The following PDE1C variants were observed in gnomAD, a reference collection of about 807,000 sequenced individuals.
The protein encoded by PDE1C is phosphodiesterase 1C.
In PDE1C, 62 loss-of-function variants were observed where a neutral mutation model predicts 93.1. That is an observed-to-expected ratio of 0.67 (90% CI 0.54 to 0.82). The LOEUF (loss-of-function observed/expected upper bound fraction) is 0.82. PDE1C is among the 40% of genes least tolerant of loss of function. The probability of loss-of-function intolerance (pLI) is 0.00; values close to 1 mark genes in which losing one functional copy is unlikely to be tolerated. For synonymous variants in PDE1C, 325 were observed against 310.1 expected, an observed-to-expected ratio of 1.05 and a Z score of -0.50; for missense variants, 742 against 884.6, an observed-to-expected ratio of 0.84 and a Z score of 2.04.
chr7:32,130,631 T>C (rs900275426), intron 3 of PDE1C, among the ~76,000 whole-genome samples: 2 of 152,054 alleles, frequency 1.3e-5, no homozygotes. Flanking sequence ...CTATGGTCCA[T>C]CTTACAAACT....
At position 31,865,773 on chromosome 7, in the gene PDE1C, T is replaced by C. The variant is rs528499707; in HGVS notation, c.610-691A>G. ...TTTTGATTTTGTTTTGTTTTTCTTA[T>C]GTGTCCAATGTATATAACCACTCCT... On this transcript the variant is annotated intron_variant, in intron 6 of 17. Transcript: ENST00000396191. 6.6e-5 allele frequency among the ~76,000 whole-genome samples: 10 copies of C among 152,362 alleles called. No individual in the cohort carries two copies. In the East Asian group the frequency reaches 1.5e-3, roughly 24 times the overall value.
At chr7:31,898,062 T>TGTG in intron 2 of PDE1C, among the ~76,000 whole-genome samples, 1 of 142,534 alleles carries the variant, frequency 7.0e-6, no homozygotes, top group Non-Finnish European at 1.5e-5. Flanking sequence ...GTGTGTGTGT[T>TGTG]TACTATACTG....
At chr7:32,078,093 A>G in intron 3 of PDE1C, 1 of 902,284 alleles carries the variant, frequency 1.1e-6, no homozygotes, top group South Asian at 5.1e-5. Context: ...TGCTGATGCT[A>G]CAAGTCAGCC....
At chr7:31,993,319 T>C (rs897622751) in intron 2 of PDE1C, among the ~76,000 whole-genome samples, 6 of 152,176 alleles carry the variant, frequency 3.9e-5, no homozygotes, top group Admixed American at 6.5e-5. Context: ...GGCTTAAAGA[T>C]GTTTGGAACA....
intron 2 of PDE1C, among the ~76,000 whole-genome samples, chr7:32,206,197 T>C (rs73106524): frequency 1.3e-5 from 2 of 151,686 alleles, no homozygotes; most frequent in Admixed American, 6.6e-5. Context: ...GTAGGAGACC[T>C]TTGAGGATAT....
intron 17 of PDE1C, among the ~76,000 whole-genome samples, chr7:31,766,568 G>T (rs966666192): frequency 4.0e-4 from 61 of 152,232 alleles, no homozygotes; most frequent in African/African-American, 1.4e-3. Flanking sequence ...TCCTCTCTAT[G>T]ATACTTCACT....
intron 3 of PDE1C, among the ~76,000 whole-genome samples, chr7:32,148,270 AAAAT>A (rs1801029932): frequency 2.0e-5 from 3 of 152,160 alleles, no homozygotes; most frequent in Admixed American, 2.0e-4. Context: ...TTAAAAAGCA[AAAAT>A]AAATCAGTGA....
At chr7:31,625,426 G>A in the PDE1C span, among the ~76,000 whole-genome samples, 1 of 151,986 alleles carries the variant, frequency 6.6e-6, no homozygotes, top group Non-Finnish European at 1.5e-5. Flanking sequence ...TATACACCAT[G>A]GAATACTATG....
chr7:32,082,009 T>C (rs1172006828), intron 3 of PDE1C, among the ~76,000 whole-genome samples: 1 of 152,128 alleles, frequency 6.6e-6, no homozygotes, highest in Non-Finnish European at 1.5e-5. Context: ...AGATAGTGGG[T>C]GCAGGACAGT....
intron 1 of PDE1C, among the ~76,000 whole-genome samples, chr7:32,354,953 G>A (rs1784003976): frequency 6.6e-6 from 1 of 152,198 alleles, no homozygotes; most frequent in Admixed American, 6.5e-5. Flanking sequence ...GATTTCAGTG[G>A]CCATTGGAGT....
the PDE1C span, among the ~76,000 whole-genome samples, chr7:31,730,631 T>C: frequency 6.6e-6 from 1 of 152,242 alleles, no homozygotes; most frequent in African/African-American, 2.4e-5. Context: ...AATCCTACTC[T>C]GTGCCAAGTA....
chr7:32,031,573 C>T (rs984686229), intron 2 of PDE1C, among the ~76,000 whole-genome samples: 7 of 152,130 alleles, frequency 4.6e-5, no homozygotes, highest in African/African-American at 1.7e-4. Flanking sequence ...AATGAAGGCA[C>T]AAAAGTATAA....
chr7:32,378,617 C>T (rs866869006), intron 1 of PDE1C, among the ~76,000 whole-genome samples: 5 of 152,186 alleles, frequency 3.3e-5, no homozygotes, highest in African/African-American at 9.6e-5. Flanking sequence ...TAATATTTGC[C>T]TTTTGAGATG....
At chr7:31,987,182 G>C (rs754960593) in intron 2 of PDE1C, among the ~76,000 whole-genome samples, 17 of 152,130 alleles carry the variant, frequency 1.1e-4, no homozygotes, top group Non-Finnish European at 1.9e-4. Flanking sequence ...TAGTGGAGCG[G>C]TGTTTTTAAA....
At chr7:31,985,675 G>A (rs10276195) in intron 2 of PDE1C, among the ~76,000 whole-genome samples, 67,492 of 151,626 alleles carry the variant, frequency 0.45, 15,155 homozygotes, top group South Asian at 0.52. Context: ...TGTGGTGGTT[G>A]GTTTTCTGTC....
chr7:32,350,378 A>T (rs11974728), intron 1 of PDE1C, among the ~76,000 whole-genome samples: 1 of 151,662 alleles, frequency 6.6e-6, no homozygotes, highest in Non-Finnish European at 1.5e-5. Context: ...TTTTAACACA[A>T]CCACAATACT....
chr7:31,670,478 A>G, the PDE1C span, among the ~76,000 whole-genome samples: 10 of 152,298 alleles, frequency 6.6e-5, no homozygotes, highest in African/African-American at 2.4e-4. Flanking sequence ...TCTACCCTTC[A>G]TAATCCTTTG....
chr7:32,082,101 T>C (rs1584722864), intron 3 of PDE1C, among the ~76,000 whole-genome samples: 1 of 152,236 alleles, frequency 6.6e-6, no homozygotes, highest in South Asian at 2.1e-4. Context: ...GGAGTTCCCT[T>C]TCCTAGTCAA....
chr7:31,755,165 T>TA (rs1033447142), intron 17 of PDE1C, among the ~76,000 whole-genome samples: 2 of 152,164 alleles, frequency 1.3e-5, no homozygotes, highest in African/African-American at 4.8e-5. Flanking sequence ...ATTCAACAAT[T>TA]ACGTAAACAG....
Sources: gnomAD v4.1 joint callset for allele counts (sites outside exome capture counted in the v4.1 genomes callset) on GRCh38, gnomAD v4.1.1 for gene constraint, MANE v1.5 for transcripts, NCBI Gene and HGNC (gene_info 2026-07-23, HGNC 2026-07-21) for gene names.